The following DYNC1I2 variants were observed in gnomAD, a reference collection of about 807,000 sequenced individuals.
DYNC1I2 encodes the protein dynein cytoplasmic 1 intermediate chain 2.
DYNC1I2 carries 53 observed loss-of-function variants against 88.6 expected under a neutral mutation model. The ratio of observed to expected loss-of-function variants is 0.60; its 90% CI spans 0.48 to 0.75. The LOEUF is 0.75. DYNC1I2 is among the 30% of genes least tolerant of loss of function. DYNC1I2 has a pLI of 0.00. For synonymous variants in DYNC1I2, 198 were observed against 254.6 expected (o/e 0.78, Z 2.12); for missense variants, 458 against 766.6 (o/e 0.60, Z 4.75).
At chr2:171,693,420 G>A (rs1685536073) in intron 3 of DYNC1I2, among the ~76,000 whole-genome samples, 1 of 152,142 alleles carries the variant, frequency 6.6e-6, no homozygotes, top group Admixed American at 6.5e-5. Flanking sequence ...ATTTTTCTGG[G>A]TTATTCATTT....
intron 15 of DYNC1I2, among the ~76,000 whole-genome samples, chr2:171,735,200 G>T (rs965818665): frequency 6.6e-6 from 1 of 152,158 alleles, no homozygotes; most frequent in African/African-American, 2.4e-5. Context: ...ATTTGGCACA[G>T]CCTCAAATTT....
intron 3 of DYNC1I2, among the ~76,000 whole-genome samples, chr2:171,705,246 A>T (rs549023330): frequency 3.9e-5 from 6 of 152,184 alleles, no homozygotes; most frequent in African/African-American, 9.6e-5. Flanking sequence ...AAGAATTTTG[A>T]TTAACATTTT....
chr2:171,734,121 T>C (rs192217393), intron 15 of DYNC1I2, among the ~76,000 whole-genome samples: 1 of 152,308 alleles, frequency 6.6e-6, no homozygotes, highest in African/African-American at 2.4e-5. Flanking sequence ...TGCGGTCTTA[T>C]TTCTGGGTTC....
intron 3 of DYNC1I2, among the ~76,000 whole-genome samples, chr2:171,695,572 A>G (rs1024126989): frequency 3.3e-5 from 5 of 152,226 alleles, no homozygotes; most frequent in South Asian, 2.1e-4. Flanking sequence ...ATAATATCCT[A>G]TTATGTACCA....
chr2:171,695,218 G>C (rs1685676681), intron 3 of DYNC1I2, among the ~76,000 whole-genome samples: 1 of 151,906 alleles, frequency 6.6e-6, no homozygotes, highest in Non-Finnish European at 1.5e-5. Context: ...TCCTGCCTCA[G>C]CCTCCCAAGT....
At chr2:171,700,874 A>C (rs1443525501) in intron 3 of DYNC1I2, among the ~76,000 whole-genome samples, 1 of 151,846 alleles carries the variant, frequency 6.6e-6, no homozygotes, top group Non-Finnish European at 1.5e-5. Context: ...CTCGTGATCC[A>C]CCCTACTCAG....
Position 171,747,996 on chromosome 2 carries a change from G to A in DYNC1I2, c.*107G>A. 2 of 729,032 alleles carry A rather than the reference G, an allele frequency of 2.7e-6. No individual in the cohort carries two copies. The highest frequency in any genetic ancestry group is 2.5e-5 in the South Asian group (1 of 39,860). 45.2% of individuals were successfully genotyped at this position (729,032 alleles called of 1,614,324 possible). A position where few individuals can be genotyped will look rare whatever the true frequency, so the allele number is the denominator to read the frequency against. On this transcript the variant is annotated 3_prime_UTR_variant, in exon 18 of 18. Transcript: ENST00000397119. Reference sequence around the variant, plus strand: ...AATGATAATTAAAAGGAAATTTCATGGATTAAACCATGGGTTTAATGCAGC... The same window carrying A: ...AATGATAATTAAAAGGAAATTTCATAGATTAAACCATGGGTTTAATGCAGC...
rs1243471149 is a variant in DYNC1I2, at chr2:171,690,186, T to C, written c.31T>C (p.Leu11=). ...AGACAAAAGTGAATTAAAGGCTGAG[T>C]TGGAACGTAAGAAGCAGCGACTGGC... MSDKSELKAE[L]ERKKQRLAQI... The change falls in exon 2 of 18, where the codon TTG becomes CTG. Residue 11 remains leucine (L), a synonymous_variant. Coordinates refer to ENST00000397119, the MANE Select transcript of DYNC1I2 (RefSeq NM_001378.3). 6 of 1,554,850 alleles carry C rather than the reference T, an allele frequency of 3.9e-6. No individual in the cohort carries two copies. The African/African-American group carries it at 4.1e-5, about 11-fold the overall frequency.
intron 3 of DYNC1I2, chr2:171,693,124 C>G (rs955275217): frequency 2.3e-6 from 1 of 438,038 alleles, no homozygotes; most frequent in Non-Finnish European, 4.2e-6. Context: ...TACCAATTGA[C>G]TTCTCTTATT....
intron 15 of DYNC1I2, among the ~76,000 whole-genome samples, chr2:171,738,691 C>T (rs1317098169): frequency 6.6e-6 from 1 of 152,166 alleles, no homozygotes; most frequent in African/African-American, 2.4e-5. Flanking sequence ...TACACTATCA[C>T]CTCAGGAGTC....
intron 13 of DYNC1I2, 69 bp from the exon 14 acceptor site, chr2:171,728,648 T>G: frequency 7.6e-7 from 1 of 1,317,068 alleles, no homozygotes; most frequent in Non-Finnish European, 1.0e-6. Flanking sequence ...AATCAAAGAC[T>G]AGAAGTTTTT....
rs1689995452 is a variant in DYNC1I2, at chr2:171,749,853, T to C, written c.*1964T>C. Among the ~76,000 whole-genome samples, 1 of 152,148 alleles carries C rather than the reference T, an allele frequency of 6.6e-6. No homozygotes were observed. Among genetic ancestry groups the C allele is most frequent in the African/African-American group, 2.4e-5 (1 of 41,450 alleles). On this transcript the variant is annotated 3_prime_UTR_variant, in exon 18 of 18. Transcript: ENST00000397119. Reference sequence around the variant, plus strand: ...CTATATAATAGCAAAAGAGAAAGTATTGAGACTGTCAGTGTTGATAAAGCT... The same window carrying C: ...CTATATAATAGCAAAAGAGAAAGTACTGAGACTGTCAGTGTTGATAAAGCT...
At chr2:171,712,053 T>A (rs921726952) in intron 5 of DYNC1I2, among the ~76,000 whole-genome samples, 1 of 152,248 alleles carries the variant, frequency 6.6e-6, no homozygotes, top group African/African-American at 2.4e-5. Context: ...CTAAAACTTA[T>A]AACTCAATAT....
At chr2:171,697,654 C>T (rs189286113) in intron 3 of DYNC1I2, among the ~76,000 whole-genome samples, 17 of 148,398 alleles carry the variant, frequency 1.1e-4, no homozygotes, top group African/African-American at 4.0e-4. Flanking sequence ...TCAAGACTAG[C>T]GTGGGCAACA....
At chr2:171,727,783 A>T in intron 11 of DYNC1I2, 38 bp from the exon 12 acceptor site, 1 of 1,593,228 alleles carries the variant, frequency 6.3e-7, no homozygotes, top group African/African-American at 1.3e-5. Flanking sequence ...GGCATTTTCC[A>T]TTTGAATCTC....
chr2:171,699,262 G>A (rs1378726679), intron 3 of DYNC1I2, among the ~76,000 whole-genome samples: 5 of 152,064 alleles, frequency 3.3e-5, no homozygotes, highest in Admixed American at 2.6e-4. Flanking sequence ...AGCCGAGATC[G>A]CGCCATTGCA....
chr2:171,698,179 T>G (rs560645971), intron 3 of DYNC1I2, among the ~76,000 whole-genome samples: 1 of 152,346 alleles, frequency 6.6e-6, no homozygotes, highest in South Asian at 2.1e-4. Context: ...GTTATTTAAT[T>G]AAGAGTTGCA....
chr2:171,731,230 TAG>T (rs1172891253), intron 15 of DYNC1I2, among the ~76,000 whole-genome samples: 1 of 152,158 alleles, frequency 6.6e-6, no homozygotes, highest in African/African-American at 2.4e-5. Flanking sequence ...TGGGAAAAGG[TAG>T]AAGAAGATTC....
Position 171,745,995 on chromosome 2 carries a change from G to A in DYNC1I2, c.1803+68G>A, listed in dbSNP as rs535048851. The A allele has an allele frequency of 5.4e-5, 85 of 1,572,040 alleles. No homozygotes were observed. In the African/African-American group the frequency reaches 5.7e-4, roughly 10 times the overall value. ...TGCATTGTAGTAAAGGCATCTTTGT[G>A]GCTAACCCTAGGCTTTGAGGTTTAT... On this transcript the variant is annotated intron_variant, in intron 17 of 17. Transcript: ENST00000397119.
Sources: gnomAD v4.1 joint callset for allele counts (sites outside exome capture counted in the v4.1 genomes callset) on GRCh38, gnomAD v4.1.1 for gene constraint, MANE v1.5 for transcripts, NCBI Gene and HGNC (gene_info 2026-07-23, HGNC 2026-07-21) for gene names.